Variants in RIGI observed in about 807,000 individuals in gnomAD.
RIGI encodes the protein antiviral innate immune response receptor RIG-I.
chr9:32,492,553 T>G, the RIGI span: 17 of 1,613,502 alleles, frequency 1.1e-5, no homozygotes, highest in South Asian at 1.4e-4. Context: ...GCAAGGTAAC[T>G]GTAGTTTATT....
chr9:32,486,101 C>T, the RIGI span, among the ~76,000 whole-genome samples: 1 of 152,140 alleles, frequency 6.6e-6, no homozygotes, highest in Non-Finnish European at 1.5e-5. Flanking sequence ...GGGCTGTGAT[C>T]TTAAGGGAGA....
At chr9:32,460,219 CT>C in the RIGI span, among the ~76,000 whole-genome samples, 1 of 152,186 alleles carries the variant, frequency 6.6e-6, no homozygotes, top group Non-Finnish European at 1.5e-5. Flanking sequence ...CCATGTGGAA[CT>C]GTAAGTCCAA....
the RIGI span, chr9:32,485,564 C>G: frequency 6.1e-3 from 2,604 of 423,878 alleles, 84 homozygotes; most frequent in African/African-American, 0.057. Context: ...TGATTGAGAC[C>G]AAGTCTCACT....
chr9:32,488,848 T>A, the RIGI span: 1 of 1,613,248 alleles, frequency 6.2e-7, no homozygotes, highest in Non-Finnish European at 8.5e-7. Flanking sequence ...TTTAAGATGA[T>A]GTTCACATAT....
the RIGI span, among the ~76,000 whole-genome samples, chr9:32,462,988 C>G: frequency 6.6e-6 from 1 of 152,076 alleles, no homozygotes; most frequent in Admixed American, 6.6e-5. Context: ...AAAGCCCCAT[C>G]TCTACTAAAA....
the RIGI span, among the ~76,000 whole-genome samples, chr9:32,525,498 T>C: frequency 6.6e-6 from 1 of 152,208 alleles, no homozygotes. Context: ...GGATCACCTG[T>C]CTCCGAAGTT....
At chr9:32,468,057 G>A in the RIGI span, 1 of 844,352 alleles carries the variant, frequency 1.2e-6, no homozygotes, top group Non-Finnish European at 1.8e-6. Flanking sequence ...TTATATCCAT[G>A]ATCTCACAAC....
At chr9:32,501,447 G>A in the RIGI span, among the ~76,000 whole-genome samples, 17,256 of 152,040 alleles carry the variant, frequency 0.11, 1,083 homozygotes, top group Middle Eastern at 0.29. Context: ...CAAGGTTCCC[G>A]TAAGCTATGG....
At chr9:32,455,988 C>G in the RIGI span, 1 of 152,236 alleles carries the variant, frequency 6.6e-6, no homozygotes, top group Non-Finnish European at 1.5e-5. Flanking sequence ...CTCCAGGGAA[C>G]TCAGATACTT....
the RIGI span, among the ~76,000 whole-genome samples, chr9:32,489,635 A>C: frequency 6.6e-6 from 1 of 151,754 alleles, no homozygotes; most frequent in Middle Eastern, 3.4e-3. Flanking sequence ...GAATTCTCTC[A>C]GTGACAAAGT....
chr9:32,523,090 T>C, the RIGI span, among the ~76,000 whole-genome samples: 1,630 of 152,304 alleles, frequency 0.011, 16 homozygotes, highest in Middle Eastern at 0.095. Context: ...GTTATATTTC[T>C]TTCCTTCTAT....
the RIGI span, among the ~76,000 whole-genome samples, chr9:32,455,399 G>A: frequency 6.6e-6 from 1 of 152,252 alleles, no homozygotes; most frequent in Admixed American, 6.5e-5. Flanking sequence ...AAGCAGGCAA[G>A]TCTTACATGG....
chr9:32,505,056 T>C, the RIGI span, among the ~76,000 whole-genome samples: 1 of 143,396 alleles, frequency 7.0e-6, no homozygotes, highest in Admixed American at 7.2e-5. Context: ...TATATAATTT[T>C]ATACATTATA....
At chr9:32,476,916 C>A in the RIGI span, 165 of 1,388,136 alleles carry the variant, frequency 1.2e-4, no homozygotes, top group African/African-American at 2.2e-3. Flanking sequence ...GACACCATAC[C>A]CAGCCCAATC....
chr9:32,491,734 A>G, the RIGI span, among the ~76,000 whole-genome samples: 2 of 137,380 alleles, frequency 1.5e-5, no homozygotes, highest in Non-Finnish European at 3.2e-5. Flanking sequence ...AAAAAAAAAA[A>G]GAGCATGATT....
At chr9:32,511,580 C>A in the RIGI span, among the ~76,000 whole-genome samples, 2,782 of 152,274 alleles carry the variant, frequency 0.018, 86 homozygotes, top group African/African-American at 0.063. Flanking sequence ...ACATTTAAAG[C>A]AGTGTGTAGA....
the RIGI span, among the ~76,000 whole-genome samples, chr9:32,467,373 G>A: frequency 6.6e-6 from 1 of 151,584 alleles, no homozygotes; most frequent in African/African-American, 2.4e-5. Context: ...AAGGAGGAAA[G>A]AATAGTTAGG....
the RIGI span, among the ~76,000 whole-genome samples, chr9:32,503,599 G>A: frequency 6.6e-6 from 1 of 152,172 alleles, no homozygotes; most frequent in South Asian, 2.1e-4. Context: ...ACCTGAAACT[G>A]TGACTTGGAA....
chr9:32,488,193 T>C, the RIGI span: 1 of 1,613,868 alleles, frequency 6.2e-7, no homozygotes, highest in Non-Finnish European at 8.5e-7. Flanking sequence ...GAAATGCCTG[T>C]AACTCTATAC....
Sources: gnomAD v4.1 joint callset for allele counts (sites outside exome capture counted in the v4.1 genomes callset) on GRCh38, gnomAD v4.1.1 for gene constraint, MANE v1.5 for transcripts, NCBI Gene and HGNC (gene_info 2026-07-23, HGNC 2026-07-21) for gene names.